The following PEAK1 variants were observed in gnomAD, a reference collection of about 807,000 sequenced individuals.
The protein encoded by PEAK1 is inactive tyrosine-protein kinase PEAK1.
PEAK1 carries 54 observed loss-of-function variants against 124.7 expected under a neutral mutation model. That is an observed-to-expected ratio of 0.43 (90% CI 0.35 to 0.54). The LOEUF (loss-of-function observed/expected upper bound fraction) is 0.54, where lower values mean the gene tolerates loss of function less well. Among genes scored for constraint, PEAK1 ranks in the 20% least tolerant of loss-of-function variants. The pLI, the probability that PEAK1 is intolerant of heterozygous loss-of-function variation, is 0.01. For missense variants in PEAK1, 2,046 were observed against 2,134.5 expected (o/e 0.96, Z 0.82); for synonymous variants, 719 against 760.0 (o/e 0.95, Z 0.89).
chr15:77,309,988 T>A (rs1201318142), intron 2 of PEAK1, among the ~76,000 whole-genome samples: 3 of 152,128 alleles, frequency 2.0e-5, no homozygotes, highest in Admixed American at 6.5e-5. Flanking sequence ...CATACCTGAG[T>A]TGTCATTTCA....
At chr15:77,294,692 A>G (rs1030503962) in intron 2 of PEAK1, among the ~76,000 whole-genome samples, 6 of 152,224 alleles carry the variant, frequency 3.9e-5, no homozygotes, top group African/African-American at 1.2e-4. Context: ...TGCATAGAGC[A>G]TCTGGCATAC....
intron 2 of PEAK1, among the ~76,000 whole-genome samples, chr15:77,309,292 A>G (rs1024645989): frequency 6.6e-6 from 1 of 152,108 alleles, no homozygotes; most frequent in Non-Finnish European, 1.5e-5. Flanking sequence ...AAGTTCATAG[A>G]AAGTTCAGCG....
Position 77,114,819 on chromosome 15 carries a change from G to A in PEAK1, c.4578C>T (p.His1526=). The A allele has an allele frequency of 6.2e-7, 1 of 1,613,500 alleles. No homozygotes were observed. The highest frequency in any genetic ancestry group is 8.5e-7 in the Non-Finnish European group (1 of 1,179,978). The change falls in exon 10 of 10, where the codon CAC becomes CAT. Residue 1526 remains histidine (H), a synonymous_variant. Coordinates refer to ENST00000682557, the MANE Select transcript of PEAK1 (RefSeq NM_001385026.1). The part of the protein sequence containing the change: ...DLRLENLLLV[H]YQPGGTAQGF... ...CTTGGGCAGTCCCCCCAGGCTGGTA[G>A]TGGACAAGTAGCAGGTTCTCTAGGC... is the stretch of plus-strand genomic sequence containing the variant.
At chr15:77,240,572 G>A (rs572393788) in intron 6 of PEAK1, among the ~76,000 whole-genome samples, 1 of 151,900 alleles carries the variant, frequency 6.6e-6, no homozygotes, top group South Asian at 2.1e-4. Context: ...CGTGAGCCTG[G>A]GCAATAGAGT....
intron 7 of PEAK1, among the ~76,000 whole-genome samples, chr15:77,166,042 GA>G (rs1013628788): frequency 4.6e-5 from 7 of 151,898 alleles, no homozygotes; most frequent in African/African-American, 1.7e-4. Flanking sequence ...TTAGTTAGAA[GA>G]AAAAAACAGC....
At position 77,129,712 on chromosome 15, in the gene PEAK1, T is replaced by C. The variant is rs149193789; in HGVS notation, c.4077+3293A>G. On this transcript the variant is annotated intron_variant, in intron 9 of 9. Coordinates refer to ENST00000682557, the MANE Select transcript of PEAK1 (RefSeq NM_001385026.1). ...CCATCTGCCTCAGCCTCCCAAACTGTTGAGATTACAGGCGTGAGCCACCAC... is the reference window on the plus strand; with the variant it reads ...CCATCTGCCTCAGCCTCCCAAACTGCTGAGATTACAGGCGTGAGCCACCAC... Among the ~76,000 whole-genome samples the C allele has an allele frequency of 4.1e-4, 63 of 152,052 alleles. 2 individuals carry two copies. The East Asian group carries it at 0.012, about 29-fold the overall frequency.
chr15:77,337,572 A>C, intron 2 of PEAK1: 4 of 985,222 alleles, frequency 4.1e-6, no homozygotes, highest in Non-Finnish European at 4.8e-6. Flanking sequence ...ACACCAACAG[A>C]ATTTTTAACT....
At chr15:77,266,736 T>C (rs547858463) in intron 5 of PEAK1, among the ~76,000 whole-genome samples, 8 of 152,194 alleles carry the variant, frequency 5.3e-5, no homozygotes, top group East Asian at 3.9e-4. Flanking sequence ...CAGCTCCCAG[T>C]TGGATGGTTA....
chr15:77,332,580 AC>A (rs2065957582), intron 2 of PEAK1, among the ~76,000 whole-genome samples: 1 of 152,108 alleles, frequency 6.6e-6, no homozygotes. Context: ...AGGCTGGGCA[AC>A]AGAGCAAGAC....
chr15:77,165,165 T>C (rs2055989402), intron 7 of PEAK1, among the ~76,000 whole-genome samples: 1 of 151,462 alleles, frequency 6.6e-6, no homozygotes, highest in Non-Finnish European at 1.5e-5. Flanking sequence ...CCTCCCAAAG[T>C]GTCGGGATTA....
intron 2 of PEAK1, among the ~76,000 whole-genome samples, chr15:77,293,401 C>A (rs1043818720): frequency 6.6e-6 from 1 of 152,198 alleles, no homozygotes; most frequent in Admixed American, 6.5e-5. Context: ...GACACTCATA[C>A]CTGATAATCA....
intron 1 of PEAK1, among the ~76,000 whole-genome samples, chr15:77,368,536 A>T (rs1336229184): frequency 1.3e-5 from 2 of 151,974 alleles, no homozygotes; most frequent in Non-Finnish European, 2.9e-5. Context: ...AAAAGAGTTA[A>T]AAGTTTTACC....
chr15:77,323,732 C>A (rs2065389784), intron 2 of PEAK1, among the ~76,000 whole-genome samples: 1 of 152,074 alleles, frequency 6.6e-6, no homozygotes, highest in East Asian at 1.9e-4. Flanking sequence ...AGATTCAATG[C>A]CATCCCCATC....
intron 2 of PEAK1, chr15:77,350,610 T>TAAAA: frequency 4.4e-6 from 4 of 903,572 alleles, no homozygotes; most frequent in South Asian, 5.2e-5. Context: ...GAGATTCAAG[T>TAAAA]AAAAAAAAAA....
At chr15:77,278,515 G>A in intron 5 of PEAK1, 2 of 497,222 alleles carry the variant, frequency 4.0e-6, no homozygotes, top group Non-Finnish European at 4.0e-6. Flanking sequence ...AAGCCAAAGT[G>A]AGGGACAAAC....
chr15:77,373,536 G>A (rs772381177), intron 1 of PEAK1, among the ~76,000 whole-genome samples: 141 of 152,212 alleles, frequency 9.3e-4, no homozygotes, highest in African/African-American at 3.2e-3. Context: ...GTCTGGTAAC[G>A]TGTCACTGCC....
At chr15:77,287,808 T>C (rs1261876737) in intron 2 of PEAK1, among the ~76,000 whole-genome samples, 1 of 152,238 alleles carries the variant, frequency 6.6e-6, no homozygotes, top group Non-Finnish European at 1.5e-5. Flanking sequence ...TCTGTTCCTT[T>C]TTAAAGTCCC....
chr15:77,337,512 T>A, intron 2 of PEAK1: 1 of 985,070 alleles, frequency 1.0e-6, no homozygotes, highest in Non-Finnish European at 1.2e-6. Flanking sequence ...ACAAAGATCC[T>A]GAACACAAAA....
At chr15:77,228,686 T>A (rs1431260071) in intron 6 of PEAK1, among the ~76,000 whole-genome samples, 1 of 152,126 alleles carries the variant, frequency 6.6e-6, no homozygotes, top group East Asian at 1.9e-4. Context: ...TTTTGGTGCT[T>A]TCCCCATTAA....
Sources: allele counts gnomAD v4.1 joint callset (sites outside exome capture counted in the v4.1 genomes callset), GRCh38; gene constraint gnomAD v4.1.1; transcripts MANE v1.5; gene names NCBI Gene and HGNC (gene_info 2026-07-23, HGNC 2026-07-21).